The following BBS9 variants were observed in gnomAD, a reference collection of about 807,000 sequenced individuals.
The protein encoded by BBS9 is protein PTHB1.
Under a neutral mutation model 117.7 loss-of-function variants are expected in BBS9, and 89 were observed. The ratio of observed to expected loss-of-function variants is 0.76; its 90% confidence interval spans 0.64 to 0.90. The LOEUF (loss-of-function observed/expected upper bound fraction) is 0.90. BBS9 is among the 40% of genes least tolerant of loss of function. The pLI, the probability that BBS9 is intolerant of heterozygous loss-of-function variation, is 0.00. For synonymous variants in BBS9, 379 were observed against 370.9 expected (o/e 1.02, Z -0.25); for missense variants, 982 against 1,042.2 (o/e 0.94, Z 0.80).
intron 19 of BBS9, among the ~76,000 whole-genome samples, chr7:33,417,485 A>G (rs1832195580): frequency 6.6e-6 from 1 of 152,238 alleles, no homozygotes; most frequent in Non-Finnish European, 1.5e-5. Context: ...TCTGTCATTC[A>G]ATGCAATCTA....
chr7:33,365,118 G>A (rs1253728726), intron 16 of BBS9, among the ~76,000 whole-genome samples: 1 of 148,628 alleles, frequency 6.7e-6, no homozygotes, highest in Non-Finnish European at 1.5e-5. Flanking sequence ...CTGGTTTGTT[G>A]AGCTTCCTGA....
chr7:33,491,799 G>T lies in BBS9; in HGVS notation c.2116-13664G>T, dbSNP rs187597717. The stretch of plus-strand genomic sequence containing the variant: ...TATACAAAATCAATCCCATGAAGAG[G>T]TACTGAAATTATTGGGATTGTATAA... On this transcript the variant is annotated intron_variant, in intron 19 of 22. Coordinates refer to ENST00000242067, the MANE Select transcript of BBS9 (RefSeq NM_198428.3). Among the ~76,000 whole-genome samples, 135 of 152,252 alleles carry T rather than the reference G, an allele frequency of 8.9e-4. 1 individual carries two copies. Among genetic ancestry groups the T allele is most frequent in the South Asian group, 1.5e-3 (7 of 4,824 alleles).
intron 21 of BBS9, among the ~76,000 whole-genome samples, chr7:33,571,023 G>A (rs1364660169): frequency 6.6e-6 from 1 of 152,144 alleles, no homozygotes; most frequent in African/African-American, 2.4e-5. Flanking sequence ...TTTGAATAAA[G>A]TCTGTCAGCT....
At chr7:33,340,404 T>A (rs1171151821) in intron 10 of BBS9, among the ~76,000 whole-genome samples, 2 of 152,190 alleles carry the variant, frequency 1.3e-5, no homozygotes, top group Admixed American at 6.5e-5. Flanking sequence ...TATACCATGA[T>A]TTATTTAATA....
At chr7:33,194,929 C>T (rs991865485) in intron 5 of BBS9, among the ~76,000 whole-genome samples, 10 of 152,102 alleles carry the variant, frequency 6.6e-5, no homozygotes, top group African/African-American at 2.2e-4. Context: ...AACATAATCA[C>T]CATTTTTTCA....
At chr7:33,521,869 T>C (rs1209687111) in intron 20 of BBS9, among the ~76,000 whole-genome samples, 1 of 150,566 alleles carries the variant, frequency 6.6e-6, no homozygotes, top group Non-Finnish European at 1.5e-5. Flanking sequence ...TAGCATTAGG[T>C]ATATCTCCCA....
intron 7 of BBS9, among the ~76,000 whole-genome samples, chr7:33,268,699 G>C (rs1799236715): frequency 6.6e-6 from 1 of 152,082 alleles, no homozygotes; most frequent in African/African-American, 2.4e-5. Flanking sequence ...CATTAATTCA[G>C]AATGTAGTGT....
intron 19 of BBS9, among the ~76,000 whole-genome samples, chr7:33,399,667 A>G (rs1828590122): frequency 6.6e-6 from 1 of 152,182 alleles, no homozygotes; most frequent in South Asian, 2.1e-4. Flanking sequence ...AATTTCAGAA[A>G]TCAATGGGGA....
chr7:33,149,646 T>C (rs1166846306), intron 2 of BBS9, among the ~76,000 whole-genome samples: 3 of 151,666 alleles, frequency 2.0e-5, no homozygotes, highest in Non-Finnish European at 4.4e-5. Flanking sequence ...TTTCTAGAAT[T>C]GGAGTAGAGA....
intron 19 of BBS9, among the ~76,000 whole-genome samples, chr7:33,465,455 ACAGTG>A (rs1840026882): frequency 6.6e-6 from 1 of 152,134 alleles, no homozygotes; most frequent in Non-Finnish European, 1.5e-5. Flanking sequence ...TTTAGTTAAT[ACAGTG>A]AAGGATTGTT....
chr7:33,234,837 A>G (rs955479953), intron 5 of BBS9, among the ~76,000 whole-genome samples: 8 of 152,098 alleles, frequency 5.3e-5, no homozygotes, highest in South Asian at 2.1e-4. Context: ...GGCAGTCTCA[A>G]GGGAATGGAG....
Position 33,303,288 on chromosome 7 carries a change from T to C in BBS9, c.1016+29332T>C, listed in dbSNP as rs1342966817. Among the ~76,000 whole-genome samples, 4 of 152,220 alleles carry C rather than the reference T, an allele frequency of 2.6e-5. No homozygotes were observed. The East Asian group carries it at 7.7e-4, about 29-fold the overall frequency. On this transcript the variant is annotated intron_variant, in intron 9 of 22. Transcript: ENST00000242067. ...GTAGTCCAATTGATCTAGATAGGAC[T>C]TTCAGTACTATTTTGAATAACAGTG...
At chr7:33,416,594 C>G (rs935006371) in intron 19 of BBS9, among the ~76,000 whole-genome samples, 4 of 151,962 alleles carry the variant, frequency 2.6e-5, no homozygotes, top group African/African-American at 9.7e-5. Flanking sequence ...ATGTGAGTGC[C>G]TGTTGTGTGC....
Position 33,344,618 on chromosome 7 carries a change from C to T in BBS9, c.1313C>T (p.Pro438Leu). The T allele has an allele frequency of 6.2e-7, 1 of 1,614,006 alleles. No individual in the cohort carries two copies. The highest frequency in any genetic ancestry group is 8.5e-7 in the Non-Finnish European group (1 of 1,179,938). Residue 438 changes from proline to leucine, a missense_variant, in exon 12 of 23, where the codon CCT becomes CTT. By Grantham distance (98) the Pro-to-Leu change is moderately conservative (BLOSUM62 -3). Coordinates refer to ENST00000242067, the MANE Select transcript of BBS9 (RefSeq NM_198428.3). Reference protein sequence around the residue: ...TDVEVGTDLVPSVTVKVTLQN... With the variant: ...TDVEVGTDLVLSVTVKVTLQN... Reference sequence around the variant, plus strand: ...GTTGAGGTGGGAACTGACCTTGTCCCTTCTGTCACGGTGAAGGTATTGTAC... The same window carrying T: ...GTTGAGGTGGGAACTGACCTTGTCCTTTCTGTCACGGTGAAGGTATTGTAC...
At position 33,135,084 on chromosome 7, in the gene BBS9, G is replaced by A. The variant is rs1790258160; in HGVS notation, c.-12+5043G>A. 2.0e-5 allele frequency among the ~76,000 whole-genome samples: 3 copies of A among 152,100 alleles called. No homozygotes were observed. In the South Asian group the frequency reaches 6.2e-4, roughly 32 times the overall value. On this transcript the variant is annotated intron_variant, in intron 1 of 22. Transcript: ENST00000242067. ...ATTTTTATATTTTTTGTAGTGATGGGGTCTCATCATGTTGCACAGGCTGGG... is the reference window on the plus strand; with the variant it reads ...ATTTTTATATTTTTTGTAGTGATGGAGTCTCATCATGTTGCACAGGCTGGG...
chr7:33,297,436 C>G (rs748624103), intron 9 of BBS9, among the ~76,000 whole-genome samples: 49 of 152,158 alleles, frequency 3.2e-4, no homozygotes, highest in Admixed American at 1.3e-3. Flanking sequence ...AATCATTGAT[C>G]AGTCTTTAGC....
intron 4 of BBS9, among the ~76,000 whole-genome samples, chr7:33,173,466 C>T (rs974550175): frequency 4.6e-5 from 7 of 150,944 alleles, no homozygotes; most frequent in Admixed American, 2.0e-4. Flanking sequence ...CAGCTACTCG[C>T]GAGGATGAGG....
downstream of BBS9, among the ~76,000 whole-genome samples, chr7:33,610,647 A>G (rs142807078): frequency 2.6e-5 from 4 of 152,220 alleles, no homozygotes; most frequent in Admixed American, 6.5e-5. Flanking sequence ...GCCTCTAAAT[A>G]CTGTTTCGAC....
At chr7:33,531,365 C>A (rs1470354130) in intron 20 of BBS9, among the ~76,000 whole-genome samples, 1 of 152,116 alleles carries the variant, frequency 6.6e-6, no homozygotes, top group African/African-American at 2.4e-5. Context: ...AGAATGTAAT[C>A]CAACTGCCAA....
Sources: gnomAD v4.1 joint callset for allele counts (sites outside exome capture counted in the v4.1 genomes callset) on GRCh38, gnomAD v4.1.1 for gene constraint, MANE v1.5 for transcripts, NCBI Gene and HGNC (gene_info 2026-07-23, HGNC 2026-07-21) for gene names.